The following KAT2B variants were observed in gnomAD, a reference collection of about 807,000 sequenced individuals.
KAT2B encodes histone acetyltransferase KAT2B.
In KAT2B, 36 loss-of-function variants were observed where a neutral mutation model predicts 105.9. The ratio of observed to expected loss-of-function variants is 0.34; its 90% CI spans 0.26 to 0.45. KAT2B has a LOEUF of 0.45. Among genes scored for constraint, KAT2B ranks in the 20% least tolerant of loss-of-function variants. The pLI, the probability that KAT2B is intolerant of heterozygous loss-of-function variation, is 1.00. For synonymous variants in KAT2B, 397 were observed against 377.9 expected, an observed-to-expected ratio of 1.05 and a Z score of -0.59; for missense variants, 820 against 1,021.6, an observed-to-expected ratio of 0.80 and a Z score of 2.69.
chr3:20,061,790 ATATAT>A (rs531219148), intron 1 of KAT2B, among the ~76,000 whole-genome samples: 16 of 133,734 alleles, frequency 1.2e-4, no homozygotes, highest in East Asian at 4.1e-4. Context: ...AATACATAAA[ATATAT>A]TATATATTAT....
chr3:20,126,010 C>T lies in KAT2B; in HGVS notation c.1519C>T (p.Pro507Ser), dbSNP rs367786973. The T allele has an allele frequency of 8.2e-5, 132 of 1,613,994 alleles. 1 individual carries two copies. In the Middle Eastern group the frequency reaches 1.6e-3, roughly 20 times the overall value. Residue 507 changes from proline (P) to serine (S), a missense_variant, in exon 10 of 18, where the codon CCA (proline) becomes TCA (serine). Physicochemically the swap from Pro to Ser is moderately conservative, Grantham distance 74. Around this residue, in one of 6 missense-constraint regions of KAT2B, gnomAD observed 225 missense variants for 268.1 expected, o/e 0.84. Transcript: ENST00000263754. Reference protein sequence around the residue: ...HVVGNSLNQKPNKKILMWLVG... With the variant: ...HVVGNSLNQKSNKKILMWLVG... The stretch of plus-strand genomic sequence containing the variant: ...GGTTGGCAATTCCCTCAACCAGAAA[C>T]CAAACAAGAAGATCCTGATGTGGCT...
chr3:20,049,375 C>A (rs889801614), intron 1 of KAT2B, among the ~76,000 whole-genome samples: 3 of 152,166 alleles, frequency 2.0e-5, no homozygotes, highest in Non-Finnish European at 1.5e-5. Flanking sequence ...TGTCTCACGA[C>A]ATTTGATTCT....
chr3:20,134,649 C>T (rs551505779), intron 11 of KAT2B, among the ~76,000 whole-genome samples: 11 of 152,254 alleles, frequency 7.2e-5, no homozygotes, highest in South Asian at 4.2e-4. Flanking sequence ...CCTCATGATC[C>T]GCCCACCTCA....
chr3:20,101,342 A>C lies in KAT2B; in HGVS notation c.725A>C (p.Gln242Pro). ...KFSHLPAKERQTIVELAKMFL... is the reference protein window; with the variant it reads ...KFSHLPAKERPTIVELAKMFL... ...AGTCACCTGCCAGCAAAAGAAAGGC[A>C]AACAATAGTTGAGTTGGCAAAAATG... The change falls in exon 5 of 18, where the codon CAA (glutamine) becomes CCA (proline). Residue 242 changes from glutamine to proline, a missense_variant. Coordinates refer to ENST00000263754, the MANE Select transcript of KAT2B (RefSeq NM_003884.5). 1 of 1,614,148 alleles carries C rather than the reference A, an allele frequency of 6.2e-7. No homozygotes were observed. The highest frequency in any genetic ancestry group is 8.5e-7 in the Non-Finnish European group (1 of 1,180,002).
At chr3:20,047,482 A>G (rs947127384) in intron 1 of KAT2B, among the ~76,000 whole-genome samples, 2 of 152,198 alleles carry the variant, frequency 1.3e-5, no homozygotes, top group Admixed American at 6.5e-5. Flanking sequence ...TAATTTATAG[A>G]TCATAAAACT....
At chr3:20,135,887 G>A (rs1699591470) in intron 11 of KAT2B, among the ~76,000 whole-genome samples, 1 of 152,160 alleles carries the variant, frequency 6.6e-6, no homozygotes, top group Admixed American at 6.6e-5. Context: ...ACAATGACCA[G>A]ATCTTGGGTG....
intron 13 of KAT2B, among the ~76,000 whole-genome samples, chr3:20,142,890 T>C (rs3804566): frequency 0.44 from 67,011 of 151,188 alleles, 18,351 homozygotes; most frequent in East Asian, 0.93. Context: ...TGTGCCTGTG[T>C]GTGTGTGTGT....
intron 1 of KAT2B, among the ~76,000 whole-genome samples, chr3:20,041,995 G>T (rs1303316764): frequency 6.6e-6 from 1 of 152,188 alleles, no homozygotes; most frequent in Non-Finnish European, 1.5e-5. Flanking sequence ...AAGCACCTCT[G>T]TATCCTACAC....
chr3:20,085,457 A>G (rs1698595712), intron 2 of KAT2B, among the ~76,000 whole-genome samples: 1 of 152,160 alleles, frequency 6.6e-6, no homozygotes, highest in Non-Finnish European at 1.5e-5. Flanking sequence ...TAATATATTT[A>G]AACATTAATT....
chr3:20,123,421 C>T (rs1022504993), intron 9 of KAT2B, among the ~76,000 whole-genome samples: 1 of 152,178 alleles, frequency 6.6e-6, no homozygotes, highest in African/African-American at 2.4e-5. Context: ...ATCTGCTCCA[C>T]TGGCTGTTTT....
At chr3:20,149,196 G>A (rs913760579) in intron 17 of KAT2B, among the ~76,000 whole-genome samples, 3 of 152,070 alleles carry the variant, frequency 2.0e-5, no homozygotes, top group African/African-American at 7.2e-5. Context: ...CAGTTGAAAT[G>A]TTTTCTTTTT....
At chr3:20,077,519 C>T (rs1308256355) in intron 2 of KAT2B, among the ~76,000 whole-genome samples, 1 of 152,186 alleles carries the variant, frequency 6.6e-6, no homozygotes, top group Non-Finnish European at 1.5e-5. Context: ...TTGAGATATA[C>T]TGTAAGTGTA....
intron 1 of KAT2B, among the ~76,000 whole-genome samples, chr3:20,067,510 A>G (rs998658770): frequency 2.6e-5 from 4 of 152,156 alleles, no homozygotes; most frequent in Admixed American, 1.3e-4. Flanking sequence ...GTCTGTTGCA[A>G]CAATGAAGTT....
At chr3:20,092,674 T>C (rs1412917260) in intron 2 of KAT2B, among the ~76,000 whole-genome samples, 1 of 152,050 alleles carries the variant, frequency 6.6e-6, no homozygotes, top group East Asian at 1.9e-4. Flanking sequence ...CATTATATAA[T>C]GCCCTTTTTG....
chr3:20,109,225 T>C (rs1417750990), intron 5 of KAT2B, among the ~76,000 whole-genome samples: 5 of 152,204 alleles, frequency 3.3e-5, no homozygotes, highest in Non-Finnish European at 7.3e-5. Context: ...TGAAGATCTG[T>C]GACTGTTTAA....
rs759409572 is a variant in KAT2B, at chr3:20,146,329, T to G, written c.2018T>G (p.Leu673Arg). 1.2e-6 allele frequency: 2 copies of G among 1,602,918 alleles called. No homozygotes were observed. Among genetic ancestry groups the G allele is most frequent in the Non-Finnish European group, 1.7e-6 (2 of 1,170,098 alleles). Residue 673 changes from leucine (L) to arginine (R), a missense_variant, in exon 14 of 18, where the codon CTG (leucine) becomes CGG (arginine). By Grantham distance (102) the Leu-to-Arg change is moderately radical. Coordinates refer to ENST00000263754, the MANE Select transcript of KAT2B (RefSeq NM_003884.5). ...IKKQKEIIKKLIERKQAQIRK... is the reference protein window; with the variant it reads ...IKKQKEIIKKRIERKQAQIRK... ...TGTGCTTTACAGATAATTAAAAAACTGATTGAAAGAAAACAGGCACAAATT... is the reference window on the plus strand; with the variant it reads ...TGTGCTTTACAGATAATTAAAAAACGGATTGAAAGAAAACAGGCACAAATT...
chr3:20,113,393 C>G (rs1365093049), intron 6 of KAT2B, among the ~76,000 whole-genome samples: 2 of 152,180 alleles, frequency 1.3e-5, no homozygotes, highest in Non-Finnish European at 2.9e-5. Flanking sequence ...ATTTTAGTTA[C>G]TTTGCATAAT....
intron 13 of KAT2B, 108 bp downstream of exon 13, chr3:20,140,472 C>T (rs998403671): frequency 1.6e-5 from 18 of 1,105,328 alleles, no homozygotes; most frequent in East Asian, 2.4e-5. Context: ...AGCAAACTCT[C>T]GGTTTGCTGT....
intron 1 of KAT2B, among the ~76,000 whole-genome samples, chr3:20,049,345 G>C (rs745741421): frequency 6.6e-6 from 1 of 152,196 alleles, no homozygotes; most frequent in Non-Finnish European, 1.5e-5. Context: ...TTAGCAGTTT[G>C]TGTGTTTGCC....
Sources: allele counts gnomAD v4.1 joint callset (sites outside exome capture counted in the v4.1 genomes callset), GRCh38; gene constraint gnomAD v4.1.1; regional missense constraint gnomAD v4.1.1; transcripts MANE v1.5; gene names NCBI Gene and HGNC (gene_info 2026-07-23, HGNC 2026-07-21).